FRMD3: variants seen among roughly 807,000 people sequenced by gnomAD.
FRMD3 encodes FERM domain containing 3, also known as FERM domain-containing protein 3.
In FRMD3, 33 loss-of-function variants were observed where a neutral mutation model predicts 70.2. The ratio of observed to expected loss-of-function variants is 0.47; its 90% confidence interval spans 0.36 to 0.63. FRMD3 has a LOEUF of 0.63. Ranked by LOEUF, FRMD3 falls within the 20% of genes least tolerant of loss-of-function variation. The pLI is 0.00. For missense variants in FRMD3, 632 were observed against 711.4 expected, an observed-to-expected ratio of 0.89 and a Z score of 1.27; for synonymous variants, 279 against 255.9, an observed-to-expected ratio of 1.09 and a Z score of -0.86.
At chr9:83,301,607 G>A (rs1404626905) in intron 10 of FRMD3, among the ~76,000 whole-genome samples, 3 of 151,910 alleles carry the variant, frequency 2.0e-5, no homozygotes, top group East Asian at 1.9e-4. Context: ...GAAGCGACAC[G>A]TGAAGCCGGC....
chr9:83,555,134 GT>G, the FRMD3 span, among the ~76,000 whole-genome samples: 4 of 152,182 alleles, frequency 2.6e-5, no homozygotes, highest in Non-Finnish European at 5.9e-5. Context: ...ATCTGGCCAC[GT>G]TTTGGTAGAG....
chr9:83,323,650 G>A (rs939091096), intron 6 of FRMD3, among the ~76,000 whole-genome samples: 6 of 152,034 alleles, frequency 3.9e-5, no homozygotes, highest in Admixed American at 1.3e-4. Flanking sequence ...AAACTTCCAC[G>A]CCTCCAGAAC....
At chr9:83,403,393 G>A (rs893040996) in intron 1 of FRMD3, among the ~76,000 whole-genome samples, 15 of 152,160 alleles carry the variant, frequency 9.9e-5, no homozygotes, top group African/African-American at 3.6e-4. Flanking sequence ...GCTCGAACAC[G>A]CATGTGTGCT....
chr9:83,409,566 G>A (rs766109103), intron 1 of FRMD3, among the ~76,000 whole-genome samples: 1 of 152,230 alleles, frequency 6.6e-6, no homozygotes, highest in Non-Finnish European at 1.5e-5. Context: ...ATTGGCCACA[G>A]CAAATGCTTG....
rs1441633098 is a variant in FRMD3 at position 83,357,257 on chromosome 9, AT to A, written c.296-7501del. On this transcript the variant is annotated intron_variant, in intron 3 of 13. Transcript: ENST00000304195. ...ATATATAATACATACATATATATAT[AT>A]ATATATATATATATATATATATATA... Among the ~76,000 whole-genome samples the A allele has an allele frequency of 9.8e-5, 4 of 40,984 alleles. 1 individual carries two copies. The highest frequency in any genetic ancestry group is 9.0e-4 in the East Asian group (1 of 1,116). 26.9% of individuals were successfully genotyped at this position (40,984 alleles called of 152,430 possible). A position where few individuals can be genotyped will look rare whatever the true frequency, so the allele number is the denominator to read the frequency against.
chr9:83,342,720 A>ATAGG (rs1297165073), intron 5 of FRMD3, among the ~76,000 whole-genome samples: 1 of 148,356 alleles, frequency 6.7e-6, no homozygotes, highest in South Asian at 2.2e-4. Flanking sequence ...AGATAGATAG[A>ATAGG]TAGATAGATA....
At chr9:83,363,469 C>T (rs780684727) in intron 3 of FRMD3, among the ~76,000 whole-genome samples, 2 of 151,238 alleles carry the variant, frequency 1.3e-5, no homozygotes, top group Non-Finnish European at 2.9e-5. Flanking sequence ...AATAAACACC[C>T]TTGCATAATA....
At position 83,246,844 on chromosome 9, in the gene FRMD3, T is replaced by C; in HGVS notation, c.*1074A>G. ...GACAGCGACTGCACTGCTCTTCACA[T>C]CATCGAACGCTGGCATCACCATCAC... On this transcript the variant is annotated 3_prime_UTR_variant, in exon 14 of 14. Transcript: ENST00000304195. 1 of 985,388 alleles carries C rather than the reference T, an allele frequency of 1.0e-6. No individual in the cohort carries two copies. Among genetic ancestry groups the C allele is most frequent in the Non-Finnish European group, 1.2e-6 (1 of 829,914 alleles). 61.0% of individuals were successfully genotyped at this position (985,388 alleles called of 1,614,324 possible).
At chr9:83,476,371 AAG>A (rs1427401103) in intron 1 of FRMD3, among the ~76,000 whole-genome samples, 1 of 122,754 alleles carries the variant, frequency 8.1e-6, no homozygotes, top group Non-Finnish European at 1.7e-5. Context: ...GAGACAGAGC[AAG>A]ACTCTCTCTC....
intron 1 of FRMD3, among the ~76,000 whole-genome samples, chr9:83,420,937 C>CTTTTTTTTTTTTTT (rs897070718): frequency 2.8e-5 from 3 of 107,718 alleles, no homozygotes; most frequent in African/African-American, 3.8e-5. Context: ...TTTCTTTCTT[C>CTTTTTTTTTTTTTT]TTTTTTTTTT....
intron 6 of FRMD3, among the ~76,000 whole-genome samples, chr9:83,314,702 A>T (rs1835495595): frequency 6.6e-6 from 1 of 152,168 alleles, no homozygotes; most frequent in Non-Finnish European, 1.5e-5. Flanking sequence ...ATACGTCTGA[A>T]GTCACTGTGG....
chr9:83,509,628 C>T (rs1232713736), intron 1 of FRMD3, among the ~76,000 whole-genome samples: 1 of 152,200 alleles, frequency 6.6e-6, no homozygotes, highest in African/African-American at 2.4e-5. Context: ...GGATTCCTGG[C>T]ACACTCCCAG....
At chr9:83,293,992 A>G (rs1834556290) in intron 12 of FRMD3, among the ~76,000 whole-genome samples, 1 of 152,198 alleles carries the variant, frequency 6.6e-6, no homozygotes, top group Non-Finnish European at 1.5e-5. Context: ...AAGAGTCAGC[A>G]ACATTAAAAA....
At chr9:83,438,921 G>A (rs1827217088) in intron 1 of FRMD3, among the ~76,000 whole-genome samples, 1 of 152,194 alleles carries the variant, frequency 6.6e-6, no homozygotes. Context: ...GCTGCCGTAG[G>A]TCTCTCTCCA....
intron 11 of FRMD3, 69 bp downstream of exon 11, chr9:83,299,043 G>A (rs1376582183): frequency 8.4e-7 from 1 of 1,189,192 alleles, no homozygotes; most frequent in African/African-American, 1.5e-5. Flanking sequence ...TTATTTGCAA[G>A]CAGAATTTTG....
intron 3 of FRMD3, among the ~76,000 whole-genome samples, chr9:83,365,858 A>G (rs1245776721): frequency 6.6e-6 from 1 of 152,190 alleles, no homozygotes; most frequent in East Asian, 1.9e-4. Context: ...AGAGGTGAAT[A>G]CAGATGTGCT....
chr9:83,297,350 T>G (rs777774113), intron 12 of FRMD3, among the ~76,000 whole-genome samples: 7 of 152,058 alleles, frequency 4.6e-5, no homozygotes, highest in Non-Finnish European at 8.8e-5. Flanking sequence ...GCTCTCAGGG[T>G]GCTACAGAGA....
At chr9:83,453,303 A>C (rs1444187250) in intron 1 of FRMD3, among the ~76,000 whole-genome samples, 1 of 152,210 alleles carries the variant, frequency 6.6e-6, no homozygotes, top group Non-Finnish European at 1.5e-5. Flanking sequence ...TCTCAAGTGC[A>C]AGACTATGTC....
intron 13 of FRMD3, among the ~76,000 whole-genome samples, chr9:83,261,650 A>G (rs915568303): frequency 5.9e-5 from 9 of 152,138 alleles, no homozygotes; most frequent in African/African-American, 2.2e-4. Flanking sequence ...ATGCTACTAC[A>G]GTATTGTTCA....
Sources: gnomAD v4.1 joint callset for allele counts (sites outside exome capture counted in the v4.1 genomes callset) on GRCh38, gnomAD v4.1.1 for gene constraint, MANE v1.5 for transcripts, NCBI Gene and HGNC (gene_info 2026-07-23, HGNC 2026-07-21) for gene names.